Variants in PTRH2 observed in about 807,000 individuals in gnomAD.
The protein encoded by PTRH2 is peptidyl-tRNA hydrolase 2, also known as peptidyl-tRNA hydrolase 2, mitochondrial.
PTRH2 carries 10 observed loss-of-function variants against 12.3 expected under a neutral mutation model. That is an observed-to-expected ratio of 0.81 (90% CI 0.50 to 1.38). The LOEUF (loss-of-function observed/expected upper bound fraction) is 1.38. Among genes scored for constraint, PTRH2 ranks in the 40% most tolerant of loss-of-function variants. The probability of loss-of-function intolerance (pLI) is 0.00; values close to 1 mark genes in which losing one functional copy is unlikely to be tolerated. For missense variants in PTRH2, 176 were observed against 214.1 expected (o/e 0.82, Z 1.11); for synonymous variants, 73 against 77.4 (o/e 0.94, Z 0.30).
intron 1 of PTRH2, chr17:59,699,674 G>A (rs1300848317): frequency 6.5e-6 from 1 of 152,740 alleles, no homozygotes; most frequent in Non-Finnish European, 1.5e-5. Flanking sequence ...TGATGACAGT[G>A]GATTTAACTG....
At chr17:59,699,254 G>A (rs534030141) in intron 1 of PTRH2, 144 of 193,612 alleles carry the variant, frequency 7.4e-4, no homozygotes, top group Non-Finnish European at 1.1e-3. Context: ...TCTTTGCTGT[G>A]AACTTTCTAG....
Position 59,697,844 on chromosome 17 carries a change from C to T in PTRH2, c.135G>A (p.Thr45=), listed in dbSNP as rs771731005. 2.7e-5 allele frequency: 44 copies of T among 1,614,054 alleles called. No homozygotes were observed. The South Asian group carries it at 3.7e-4, about 14-fold the overall frequency. The change falls in exon 2 of 2, where the codon ACG becomes ACA. Residue 45 remains threonine (T), a synonymous_variant. Transcript: ENST00000393038. ...VCFGMLPKSK[T]SKTHTDTESE... ...TTTCAGTATCTGTGTGTGTCTTGCT[C>T]GTCTTGCTTTTGGGGAGCATCCCAA...
intron 1 of PTRH2, among the ~76,000 whole-genome samples, chr17:59,703,030 TAA>T (rs1206534752): frequency 2.0e-5 from 3 of 152,108 alleles, no homozygotes; most frequent in Non-Finnish European, 4.4e-5. Flanking sequence ...TTTCCTTTTC[TAA>T]GAGACAGGGT....
chr17:59,705,930 T>A (rs61014013), intron 1 of PTRH2, among the ~76,000 whole-genome samples: 2,973 of 147,500 alleles, frequency 0.02, 93 homozygotes, highest in African/African-American at 0.069. Flanking sequence ...AAAAACCCAA[T>A]AAGATCAAAA....
chr17:59,704,932 C>G (rs1413571025), intron 1 of PTRH2, among the ~76,000 whole-genome samples: 1 of 152,120 alleles, frequency 6.6e-6, no homozygotes, highest in Non-Finnish European at 1.5e-5. Flanking sequence ...GGATTACAGG[C>G]ACCCGCCACC....
chr17:59,701,837 C>T (rs182927560), intron 1 of PTRH2, among the ~76,000 whole-genome samples: 1 of 151,946 alleles, frequency 6.6e-6, no homozygotes, highest in Non-Finnish European at 1.5e-5. Flanking sequence ...TCCCTACAGG[C>T]ACCCACCATC....
chr17:59,702,523 G>C (rs947891251), intron 1 of PTRH2, among the ~76,000 whole-genome samples: 1 of 152,248 alleles, frequency 6.6e-6, no homozygotes, highest in South Asian at 2.1e-4. Flanking sequence ...CCTGCTGTGC[G>C]GCCCAGTTCC....
At chr17:59,701,443 A>C (rs947692131) in intron 1 of PTRH2, 6 of 152,224 alleles carry the variant, frequency 3.9e-5, no homozygotes, top group African/African-American at 1.4e-4. Flanking sequence ...GAACAATTAC[A>C]AAGAACATAG....
chr17:59,698,021 A>T, intron 1 of PTRH2, 43 bp from the exon 2 acceptor site: 1 of 1,572,970 alleles, frequency 6.4e-7, no homozygotes, highest in Non-Finnish European at 8.6e-7. Flanking sequence ...GGCAGTAACA[A>T]CTTACAGAGG....
intron 1 of PTRH2, 116 bp from the exon 2 acceptor site, chr17:59,698,094 A>G: frequency 9.4e-7 from 1 of 1,066,684 alleles, no homozygotes; most frequent in Non-Finnish European, 1.3e-6. Flanking sequence ...AAAAGGCAAA[A>G]CACACCTTTG....
At chr17:59,698,804 G>C in intron 1 of PTRH2, 2 of 699,574 alleles carry the variant, frequency 2.9e-6, no homozygotes, top group Non-Finnish European at 5.2e-6. Context: ...TTTTATAATA[G>C]TGTTGAATAT....
At chr17:59,703,495 C>A (rs538731918) in intron 1 of PTRH2, among the ~76,000 whole-genome samples, 44 of 152,268 alleles carry the variant, frequency 2.9e-4, no homozygotes, top group African/African-American at 1.0e-3. Flanking sequence ...TCGTCTTAAT[C>A]CAGAGCCCTT....
intron 1 of PTRH2, among the ~76,000 whole-genome samples, chr17:59,705,798 C>G (rs925963710): frequency 2.0e-5 from 3 of 151,718 alleles, no homozygotes; most frequent in Non-Finnish European, 4.4e-5. Context: ...ATACTCCCAG[C>G]TACTCAGGGG....
intron 1 of PTRH2, chr17:59,707,146 A>G (rs904260488): frequency 1.5e-4 from 23 of 152,152 alleles, no homozygotes; most frequent in African/African-American, 5.6e-4. Context: ...GCTGGGAACT[A>G]GAAATTCTGA....
chr17:59,699,388 C>G (rs1047179599), intron 1 of PTRH2: 3 of 155,832 alleles, frequency 1.9e-5, no homozygotes, highest in African/African-American at 7.2e-5. Context: ...TCCTTAAAAG[C>G]TATGGCACCT....
At chr17:59,703,878 G>C (rs1391279620) in intron 1 of PTRH2, among the ~76,000 whole-genome samples, 1 of 150,028 alleles carries the variant, frequency 6.7e-6, no homozygotes, top group African/African-American at 2.5e-5. Flanking sequence ...TGCAATCTTG[G>C]TTCACTGCAA....
intron 1 of PTRH2, chr17:59,698,978 C>A: frequency 1.4e-6 from 1 of 694,220 alleles, no homozygotes. Context: ...CAATTTCTCT[C>A]TCTTCTGATG....
At chr17:59,700,581 G>A (rs2033538010) in intron 1 of PTRH2, 1 of 152,118 alleles carries the variant, frequency 6.6e-6, no homozygotes, top group Non-Finnish European at 1.5e-5. Flanking sequence ...AGGGGTTACT[G>A]TCTTTGGTGG....
chr17:59,701,086 T>C (rs549993288), intron 1 of PTRH2: 6 of 152,206 alleles, frequency 3.9e-5, no homozygotes, highest in Non-Finnish European at 8.8e-5. Context: ...CCTCCAGACA[T>C]ACAAACTAAC....
Sources: allele counts gnomAD v4.1 joint callset (sites outside exome capture counted in the v4.1 genomes callset), GRCh38; gene constraint gnomAD v4.1.1; transcripts MANE v1.5; gene names NCBI Gene and HGNC (gene_info 2026-07-23, HGNC 2026-07-21).